Variants in RPP40 observed in about 807,000 individuals in gnomAD.
The protein encoded by RPP40 is ribonuclease P protein subunit p40.
Under a neutral mutation model 42.5 loss-of-function variants are expected in RPP40, and 30 were observed. The observed-to-expected ratio is 0.71, with a 90% CI of 0.53 to 0.96. The LOEUF (loss-of-function observed/expected upper bound fraction) is 0.96, where lower values mean the gene tolerates loss of function less well. Ranked by LOEUF, RPP40 falls within the 40% of genes least tolerant of loss-of-function variation. RPP40 has a pLI of 0.00. For missense variants in RPP40, 426 were observed against 433.5 expected, an observed-to-expected ratio of 0.98 and a Z score of 0.15; for synonymous variants, 173 against 164.0, an observed-to-expected ratio of 1.05 and a Z score of -0.42.
At chr6:4,996,660 C>T (rs568064714) in intron 5 of RPP40, among the ~76,000 whole-genome samples, 1 of 152,308 alleles carries the variant, frequency 6.6e-6, no homozygotes, top group African/African-American at 2.4e-5. Context: ...TCTGATCAGA[C>T]CCAAACTAGT....
rs1412004485 is a variant in RPP40, at chr6:5,000,563, C to T, written c.337G>A (p.Gly113Arg). The T allele has an allele frequency of 1.4e-6, 2 of 1,472,592 alleles. No homozygotes were observed. The highest frequency in any genetic ancestry group is 1.4e-5 in the African/African-American group (1 of 70,366). The allele number at this position is 1,472,592 out of a possible 1,614,324, so 91.2% of individuals were successfully genotyped here. Residue 113 changes from glycine to arginine, a missense_variant and splice_region_variant, in exon 3 of 8, where the codon GGG becomes AGG. By Grantham distance (125) the Gly-to-Arg change is moderately radical. Transcript: ENST00000380051. ...EDNTVALLPNGKLILSLDKDT... is the reference protein window; with the variant it reads ...EDNTVALLPNRKLILSLDKDT... Reference sequence around the variant, plus strand: ...GAAAGATGAAAAAATAAAGTGTTACCATTTGGTAGCAGGGCAACAGTATTA... The same window carrying T: ...GAAAGATGAAAAAATAAAGTGTTACTATTTGGTAGCAGGGCAACAGTATTA...
Position 4,996,265 on chromosome 6 carries a change from C to G in RPP40, c.715G>C (p.Glu239Gln), listed in dbSNP as rs1228276168. 1 of 1,614,104 alleles carries G rather than the reference C, an allele frequency of 6.2e-7. No homozygotes were observed. Among genetic ancestry groups the G allele is most frequent in the African/African-American group, 1.3e-5 (1 of 75,068 alleles). The change falls in exon 6 of 8, where the codon GAG becomes CAG. Residue 239 changes from glutamate to glutamine, a missense_variant. Physicochemically the swap from Glu to Gln is conservative, Grantham distance 29. Transcript: ENST00000380051. ...GTPEVSCRAL[E>Q]LFDWLGAVFS... is the part of the protein sequence containing the mutation. ...ACGGCGCCGAGCCAGTCGAAGAGCT[C>G]CAGAGCCCGGCAGGACACCTCTGGC... is the stretch of plus-strand genomic sequence containing the variant.
intron 7 of RPP40, 90 bp downstream of exon 7, chr6:4,995,861 T>C (rs1759359844): frequency 2.3e-6 from 3 of 1,282,126 alleles, no homozygotes; most frequent in Admixed American, 2.3e-5. Flanking sequence ...TTTATTTATA[T>C]ACCACCTCCC....
chr6:4,991,966 G>A (rs1331659185), downstream of RPP40, among the ~76,000 whole-genome samples: 2 of 152,118 alleles, frequency 1.3e-5, no homozygotes, highest in African/African-American at 2.4e-5. Flanking sequence ...TTCACCTTCC[G>A]CCATGATTGA....
chr6:4,996,514 G>C, intron 5 of RPP40, 94 bp from the exon 6 acceptor site: 1 of 1,029,278 alleles, frequency 9.7e-7, no homozygotes, highest in Non-Finnish European at 1.5e-6. Flanking sequence ...CATCTGAGCG[G>C]TAAGATTGAG....
chr6:5,002,704 G>A (rs1374662780), intron 1 of RPP40, among the ~76,000 whole-genome samples: 1 of 152,216 alleles, frequency 6.6e-6, no homozygotes, highest in African/African-American at 2.4e-5. Flanking sequence ...GAATCTATGT[G>A]CAAGCAATGG....
intron 2 of RPP40, 190 bp downstream of exon 2, chr6:5,001,911 A>G (rs1617590): frequency 0.56 from 290,334 of 521,202 alleles, 84,339 homozygotes; most frequent in East Asian, 0.85. Context: ...AATTGCAATC[A>G]GAAACCACCA....
chr6:4,996,225 T>C lies in RPP40; in HGVS notation c.755A>G (p.Asp252Gly). 1 of 1,613,326 alleles carries C rather than the reference T, an allele frequency of 6.2e-7. No individual in the cohort carries two copies. Among genetic ancestry groups the C allele is most frequent in the Non-Finnish European group, 8.5e-7 (1 of 1,179,600 alleles). Residue 252 changes from aspartate to glycine, a missense_variant, in exon 6 of 8, where the codon GAC (aspartate) becomes GGC (glycine). By Grantham distance (94) the Asp-to-Gly change is moderately conservative. Coordinates refer to ENST00000380051, the MANE Select transcript of RPP40 (RefSeq NM_006638.4). The part of the protein sequence containing the change: ...DWLGAVFSNV[D>G]LNNEPNNFIS... ...CACAGGGAGTTCAGATACCCACAGG[T>C]CGACATTACTGAAGACGGCGCCGAG...
chr6:5,003,611 T>C (rs914472920), intron 1 of RPP40: 12 of 350,338 alleles, frequency 3.4e-5, no homozygotes, highest in Middle Eastern at 1.5e-3. Context: ...TTGACACGAG[T>C]GAGCAGCCAG....
chr6:4,998,263 C>T (rs1330507023), intron 5 of RPP40, among the ~76,000 whole-genome samples: 1 of 152,198 alleles, frequency 6.6e-6, no homozygotes, highest in Non-Finnish European at 1.5e-5. Context: ...AAACTTTGAA[C>T]TAAATTTAGT....
chr6:4,998,621 T>A, intron 5 of RPP40, 95 bp downstream of exon 5: 1 of 821,030 alleles, frequency 1.2e-6, no homozygotes, highest in South Asian at 1.8e-5. Flanking sequence ...ATTCCTTGAC[T>A]AAAGAGTGAA....
Position 4,996,250 on chromosome 6 carries a change from G to GC in RPP40, c.729dup (p.Leu244AlafsTer7), listed in dbSNP as rs1759376774. Reference sequence around the variant, plus strand: ...TCGACATTACTGAAGACGGCGCCGAGCCAGTCGAAGAGCTCCAGAGCCCGG... The same window carrying GC: ...TCGACATTACTGAAGACGGCGCCGAGCCCAGTCGAAGAGCTCCAGAGCCCGG... On this transcript the variant is annotated frameshift_variant, in exon 6 of 8. Coordinates refer to ENST00000380051, the MANE Select transcript of RPP40 (RefSeq NM_006638.4). LOFTEE classifies it high-confidence loss of function. 1 of 1,613,890 alleles carries GC rather than the reference G, an allele frequency of 6.2e-7. No homozygotes were observed. The highest frequency in any genetic ancestry group is 1.3e-5 in the African/African-American group (1 of 74,946).
downstream of RPP40, among the ~76,000 whole-genome samples, chr6:4,991,244 G>A (rs1386763718): frequency 6.6e-6 from 1 of 152,012 alleles, no homozygotes; most frequent in African/African-American, 2.4e-5. Flanking sequence ...ATTCCGTTGT[G>A]GCCAGACAAC....
At chr6:4,994,642 G>T (rs540104556), downstream of RPP40, 98 of 165,718 alleles carry the variant, frequency 5.9e-4, 1 homozygote, top group Middle Eastern at 6.4e-3. Flanking sequence ...CTGTGCCTCA[G>T]TTTCCTCAAA....
At chr6:4,998,959 A>T (rs396839) in intron 4 of RPP40, 118 bp from the exon 5 acceptor site, 1 of 622,172 alleles carries the variant, frequency 1.6e-6, no homozygotes, top group Non-Finnish European at 2.5e-6. Flanking sequence ...TAGTAAAATT[A>T]TTTTATTCTT....
chr6:4,999,392 G>A (rs960832734), intron 4 of RPP40, among the ~76,000 whole-genome samples: 6 of 148,194 alleles, frequency 4.0e-5, no homozygotes, highest in Non-Finnish European at 8.9e-5. Context: ...TCCCCCTCCC[G>A]GGTTCAAGCA....
rs887444890 is a variant in RPP40, at chr6:4,996,078, C to T, written c.766G>A (p.Glu256Lys). The change falls in exon 7 of 8, where the codon GAG becomes AAG. Residue 256 changes from glutamate (E) to lysine (K), a missense_variant. Coordinates refer to ENST00000380051, the MANE Select transcript of RPP40 (RefSeq NM_006638.4). ...AVFSNVDLNN[E>K]PNNFISTYCC... ...TAGGTTGATATGAAATTATTAGGCT[C>T]ATTATTTCTGTCACCAAAAAAATAA... The T allele has an allele frequency of 6.2e-7, 1 of 1,613,614 alleles. No individual in the cohort carries two copies. Among genetic ancestry groups the T allele is most frequent in the Non-Finnish European group, 8.5e-7 (1 of 1,179,870 alleles).
intron 2 of RPP40, 27 bp downstream of exon 2, chr6:5,002,074 T>C (rs751688039): frequency 3.8e-5 from 61 of 1,604,266 alleles, no homozygotes; most frequent in South Asian, 3.6e-4. Context: ...TCCAGCCTTG[T>C]TCACAGCCAT....
chr6:5,003,024 A>T (rs1019920977), intron 1 of RPP40, among the ~76,000 whole-genome samples: 1 of 152,106 alleles, frequency 6.6e-6, no homozygotes, highest in Admixed American at 6.5e-5. Context: ...TCTCTCAGAT[A>T]TCAAATTAGT....
Sources: allele counts gnomAD v4.1 joint callset (sites outside exome capture counted in the v4.1 genomes callset), GRCh38; gene constraint gnomAD v4.1.1; transcripts MANE v1.5; gene names NCBI Gene and HGNC (gene_info 2026-07-23, HGNC 2026-07-21).